The following TMEM222 variants were observed in gnomAD, a reference collection of about 807,000 sequenced individuals.
TMEM222 encodes transmembrane protein 222.
TMEM222 carries 18 observed loss-of-function variants against 25.1 expected under a neutral mutation model. The observed-to-expected ratio is 0.72, with a 90% CI of 0.50 to 1.06. The LOEUF (loss-of-function observed/expected upper bound fraction) is 1.06, where lower values mean the gene tolerates loss of function less well. TMEM222 is among the 50% of genes least tolerant of loss of function. TMEM222 has a pLI of 0.00. For missense variants in TMEM222, 296 were observed against 293.7 expected (o/e 1.01, Z -0.06); for synonymous variants, 131 against 117.9 (o/e 1.11, Z -0.72).
At chr1:27,322,984 G>A (rs1006124946) in intron 1 of TMEM222, among the ~76,000 whole-genome samples, 16 of 152,300 alleles carry the variant, frequency 1.1e-4, no homozygotes, top group African/African-American at 3.6e-4. Context: ...GGGAGAAGCA[G>A]GTGCTCTGGT....
chr1:27,331,511 A>T (rs1240553305), intron 2 of TMEM222, among the ~76,000 whole-genome samples: 1 of 152,248 alleles, frequency 6.6e-6, no homozygotes, highest in Non-Finnish European at 1.5e-5. Flanking sequence ...ATCTGAACCC[A>T]GAGTCTGTCT....
In TMEM222 at chr1:27,335,461, C is replaced by T. The variant is rs150461998; in HGVS notation, c.622C>T (p.Arg208Trp). The T allele has an allele frequency of 9.9e-3, 16,024 of 1,614,130 alleles. 126 individuals are homozygous for T. The highest frequency in any genetic ancestry group is 0.014 in the South Asian group (1,249 of 91,088). Residue 208 changes from arginine to tryptophan, a missense_variant, in exon 6 of 6, where the codon CGG (arginine) becomes TGG (tryptophan). Coordinates refer to ENST00000374076, the MANE Select transcript of TMEM222 (RefSeq NM_032125.3). ...ILTVSLVFNL[R>W] ...CACCGTCAGCCTGGTCTTTAACCTCCGGTGATGGCTGCTCGGTGGCCCCAC... is the reference window on the plus strand; with the variant it reads ...CACCGTCAGCCTGGTCTTTAACCTCTGGTGATGGCTGCTCGGTGGCCCCAC...
At position 27,335,482 on chromosome 1, in the gene TMEM222, C is replaced by T. The variant is rs776299913; in HGVS notation, c.*16C>T. 88 of 1,612,684 alleles carry T rather than the reference C, an allele frequency of 5.5e-5. No individual in the cohort carries two copies. The highest frequency in any genetic ancestry group is 7.0e-5 in the Non-Finnish European group (82 of 1,178,872). On this transcript the variant is annotated 3_prime_UTR_variant, in exon 6 of 6. Coordinates refer to ENST00000374076, the MANE Select transcript of TMEM222 (RefSeq NM_032125.3). ...CCTCCGGTGATGGCTGCTCGGTGGC[C>T]CCACACCCACCAGGGTCCCGAGGAA...
At position 27,331,960 on chromosome 1, in the gene TMEM222, C is replaced by T. The variant is rs951460087; in HGVS notation, c.280-110C>T. 5.7e-5 allele frequency: 66 copies of T among 1,158,938 alleles called. No individual in the cohort carries two copies. In the African/African-American group the frequency reaches 8.2e-4, roughly 14 times the overall value. The allele number at this position is 1,158,938 out of a possible 1,614,324, so 71.8% of individuals were successfully genotyped here. A position where few individuals can be genotyped will look rare whatever the true frequency, so the allele number is the denominator to read the frequency against. The stretch of plus-strand genomic sequence containing the variant: ...GCCCAGGCCCCACTTCTGGCCCCCC[C>T]ACCCCTGACATACCCTCTTCTAAGT... On this transcript the variant is annotated intron_variant, in intron 2 of 5. Transcript: ENST00000374076.
At position 27,322,278 on chromosome 1, in the gene TMEM222, G is replaced by A. The variant is rs750281036; in HGVS notation, c.81G>A (p.Pro27=). The part of the protein sequence containing the change: ...PPPRMAEVEA[P]TAAETDMKQY... ...CCAGGATGGCGGAAGTGGAGGCGCC[G>A]ACGGCGGCCGAGACGGACATGAAGC... is the stretch of plus-strand genomic sequence containing the variant. The change falls in exon 1 of 6, where the codon CCG becomes CCA. Residue 27 remains proline, a synonymous_variant. Coordinates refer to ENST00000374076, the MANE Select transcript of TMEM222 (RefSeq NM_032125.3). 1.3e-6 allele frequency: 2 copies of A among 1,548,918 alleles called. No individual in the cohort carries two copies. Among genetic ancestry groups the A allele is most frequent in the Non-Finnish European group, 1.7e-6 (2 of 1,145,148 alleles).
At chr1:27,331,790 C>T (rs1257826382) in intron 2 of TMEM222, among the ~76,000 whole-genome samples, 1 of 152,238 alleles carries the variant, frequency 6.6e-6, no homozygotes. Context: ...CAAGAGAATT[C>T]CTGGGTGCCA....
chr1:27,327,116 CTA>C (rs1557522426), intron 1 of TMEM222, among the ~76,000 whole-genome samples: 2 of 152,186 alleles, frequency 1.3e-5, no homozygotes, highest in African/African-American at 4.8e-5. Flanking sequence ...GCAACTTATT[CTA>C]TGTTAGTGCA....
rs1409809005 is a variant in TMEM222, at chr1:27,322,340, A to T, written c.143A>T (p.Glu48Val). 1 of 1,537,026 alleles carries T rather than the reference A, an allele frequency of 6.5e-7. No individual in the cohort carries two copies. The highest frequency in any genetic ancestry group is 8.8e-7 in the Non-Finnish European group (1 of 1,137,754). ...TCCGGCGGCGTCGCCATGGATGTGG[A>T]ACGGAGTCGCTTCCCCTACTGCGTG... ...QGSGGVAMDV[E>V]RSRFPYCVVW... The change falls in exon 1 of 6, where the codon GAA becomes GTA. Residue 48 changes from glutamate (E) to valine (V), a missense_variant. Glu to Val is a moderately radical substitution (Grantham distance 121, BLOSUM62 -2). Coordinates refer to ENST00000374076, the MANE Select transcript of TMEM222 (RefSeq NM_032125.3).
At chr1:27,335,120 C>G (rs78882135) in intron 5 of TMEM222, 1 of 553,376 alleles carries the variant, frequency 1.8e-6, no homozygotes, top group African/African-American at 1.9e-5. Flanking sequence ...GAGCATGTTT[C>G]CTGTTCCCAA....
At chr1:27,325,445 G>A in intron 1 of TMEM222, 1 of 1,255,696 alleles carries the variant, frequency 8.0e-7, no homozygotes, top group Non-Finnish European at 1.2e-6. Context: ...AGTGTCCGGA[G>A]GCGCTGTTCC....
In TMEM222 at chr1:27,330,992, C is replaced by T. The variant is rs552365645; in HGVS notation, c.279+188C>T. On this transcript the variant is annotated intron_variant, in intron 2 of 5. Coordinates refer to ENST00000374076, the MANE Select transcript of TMEM222 (RefSeq NM_032125.3). Reference sequence around the variant, plus strand: ...CCCTTCTCTTGCCTCCAGGACAGGCCGGGAGGGCAGTGTGGCCAGAAGGAT... The same window carrying T: ...CCCTTCTCTTGCCTCCAGGACAGGCTGGGAGGGCAGTGTGGCCAGAAGGAT... 5.7e-5 allele frequency: 85 copies of T among 1,478,844 alleles called. No individual in the cohort carries two copies. Among genetic ancestry groups the T allele is most frequent in the Middle Eastern group, 1.8e-4 (1 of 5,610 alleles). 91.6% of individuals were successfully genotyped at this position (1,478,844 alleles called of 1,614,324 possible).
intron 1 of TMEM222, chr1:27,325,201 G>A: frequency 5.0e-6 from 2 of 399,074 alleles, no homozygotes; most frequent in Non-Finnish European, 9.6e-6. Context: ...TGGTAATTCT[G>A]CATGAAAAAC....
chr1:27,334,924 C>A, intron 5 of TMEM222: 1 of 667,508 alleles, frequency 1.5e-6, no homozygotes, highest in Non-Finnish European at 2.0e-6. Context: ...TGGCTCCCAG[C>A]TGCTTGGCTC....
intron 3 of TMEM222, chr1:27,332,436 T>C: frequency 1.4e-6 from 1 of 718,058 alleles, no homozygotes; most frequent in Non-Finnish European, 2.6e-6. Flanking sequence ...CCCAGATCTG[T>C]CTCCCTCTAG....
chr1:27,327,246 C>T (rs1174229951), intron 1 of TMEM222, among the ~76,000 whole-genome samples: 2 of 152,238 alleles, frequency 1.3e-5, no homozygotes, highest in East Asian at 3.9e-4. Context: ...ATTTAATCCT[C>T]ACAATAGCTC....
chr1:27,334,103 G>T, intron 4 of TMEM222, 48 bp from the exon 5 acceptor site: 4 of 1,613,986 alleles, frequency 2.5e-6, no homozygotes, highest in Middle Eastern at 3.3e-4. Context: ...GGACCAGGGG[G>T]GAGGCTCCCC....
At chr1:27,330,883 C>A (rs929196595) in intron 2 of TMEM222, 79 bp downstream of exon 2, 1 of 1,596,346 alleles carries the variant, frequency 6.3e-7, no homozygotes, top group Non-Finnish European at 8.6e-7. Context: ...AGGCAGGCTT[C>A]GTCTCCCCAG....
At chr1:27,332,481 A>G in intron 3 of TMEM222, 2 of 718,232 alleles carry the variant, frequency 2.8e-6, no homozygotes, top group Non-Finnish European at 5.2e-6. Flanking sequence ...CAAATGAGGC[A>G]TGGAAGGTAG....
At chr1:27,329,705 T>G (rs1403713350) in intron 1 of TMEM222, among the ~76,000 whole-genome samples, 1 of 152,246 alleles carries the variant, frequency 6.6e-6, no homozygotes, top group Non-Finnish European at 1.5e-5. Flanking sequence ...AGAGTACAGT[T>G]CAATGAGTTT....
Sources: allele counts gnomAD v4.1 joint callset (sites outside exome capture counted in the v4.1 genomes callset), GRCh38; gene constraint gnomAD v4.1.1; transcripts MANE v1.5; gene names NCBI Gene and HGNC (gene_info 2026-07-23, HGNC 2026-07-21).